Variants in FAM98B observed in about 807,000 individuals in gnomAD.
FAM98B encodes the protein tRNA-splicing ligase complex subunit FAM98B.
A neutral mutation model predicts 43.9 loss-of-function variants in FAM98B; 32 were observed. That is an observed-to-expected ratio of 0.73 (90% CI 0.55 to 0.98). The LOEUF is 0.98. Among genes scored for constraint, FAM98B ranks in the 50% least tolerant of loss-of-function variants. The probability of loss-of-function intolerance (pLI) is 0.00; values close to 1 mark genes in which losing one functional copy is unlikely to be tolerated. For synonymous variants in FAM98B, 190 were observed against 174.0 expected (o/e 1.09, Z -0.72); for missense variants, 514 against 522.9 (o/e 0.98, Z 0.17).
At chr15:38,465,801 G>C (rs1890022336) in intron 3 of FAM98B, among the ~76,000 whole-genome samples, 1 of 151,964 alleles carries the variant, frequency 6.6e-6, no homozygotes, top group Non-Finnish European at 1.5e-5. Flanking sequence ...ACCAAGAACT[G>C]CTCTGGATAC....
At chr15:38,456,680 G>A (rs189521180) in intron 1 of FAM98B, among the ~76,000 whole-genome samples, 12 of 152,344 alleles carry the variant, frequency 7.9e-5, no homozygotes, top group African/African-American at 2.6e-4. Context: ...GATTCCTGAG[G>A]AAGTGACATT....
In FAM98B at chr15:38,486,375, A is replaced by G. The variant is rs1469388147; in HGVS notation, c.*1716A>G. On this transcript the variant is annotated 3_prime_UTR_variant, in exon 8 of 8. Coordinates refer to ENST00000397609, the MANE Select transcript of FAM98B (RefSeq NM_173611.4). ...TTAAGAAAAAAACTACTTGAGTAAAATATTTCAAGAGTTGTTTAAAAATCT... is the reference window on the plus strand; with the variant it reads ...TTAAGAAAAAAACTACTTGAGTAAAGTATTTCAAGAGTTGTTTAAAAATCT... The G allele has an allele frequency of 1.3e-5, 2 of 152,188 alleles. No individual in the cohort carries two copies. The highest frequency in any genetic ancestry group is 2.9e-5 in the Non-Finnish European group (2 of 68,006). 9.4% of individuals were successfully genotyped at this position (152,188 alleles called of 1,614,324 possible). A position where few individuals can be genotyped will look rare whatever the true frequency, so the allele number is the denominator to read the frequency against.
chr15:38,473,371 T>A, intron 4 of FAM98B, 134 bp from the exon 5 acceptor site: 2 of 598,648 alleles, frequency 3.3e-6, no homozygotes, highest in Non-Finnish European at 2.9e-6. Context: ...GGTATTCTGG[T>A]ATATGATGGT....
intron 2 of FAM98B, 120 bp from the exon 3 acceptor site, chr15:38,465,149 T>A (rs1359842389): frequency 1.1e-6 from 1 of 946,454 alleles, no homozygotes; most frequent in Non-Finnish European, 1.5e-6. Context: ...ATCACACATT[T>A]AAGGATTTAA....
At chr15:38,476,498 C>A (rs996099902) in intron 6 of FAM98B, among the ~76,000 whole-genome samples, 5 of 151,678 alleles carry the variant, frequency 3.3e-5, no homozygotes, top group Non-Finnish European at 7.4e-5. Flanking sequence ...TAGATAGACT[C>A]GCTTAAGTTG....
rs1207408873 is a variant in FAM98B at position 38,484,278 on chromosome 15, CAG to C, written c.922_923del (p.Arg308GlyfsTer6). ...AGGTGCTGATGGGAAGGGTGCCTGACAGGGGAGGCCGGCCGAATGAAATTGAA... is the reference window on the plus strand; with the variant it reads ...AGGTGCTGATGGGAAGGGTGCCTGACGGGAGGCCGGCCGAATGAAATTGAA... ...NKVLMGRVPDRGGRPNEIEPP... is the reference protein window; with the variant it reads ...NKVLMGRVPDXGGRPNEIEPP... On this transcript the variant is annotated frameshift_variant, in exon 8 of 8. Transcript: ENST00000397609. LOFTEE classifies it low-confidence loss of function (END_TRUNC). The C allele has an allele frequency of 1.3e-6, 2 of 1,550,118 alleles. No individual in the cohort carries two copies. The highest frequency in any genetic ancestry group is 2.4e-5 in the East Asian group (1 of 40,934).
chr15:38,457,543 T>C (rs967292882), intron 1 of FAM98B, among the ~76,000 whole-genome samples: 1 of 152,050 alleles, frequency 6.6e-6, no homozygotes. Context: ...GGGAGCCACA[T>C]GTTTGGATAA....
intron 7 of FAM98B, chr15:38,481,870 C>A: frequency 3.4e-6 from 1 of 297,674 alleles, no homozygotes; most frequent in Non-Finnish European, 6.3e-6. Flanking sequence ...CTGGCTCTGT[C>A]ATTTACTTAC....
chr15:38,454,366 G>A (rs1889814424), intron 1 of FAM98B, 134 bp downstream of exon 1: 7 of 871,672 alleles, frequency 8.0e-6, no homozygotes, highest in Non-Finnish European at 1.3e-5. Flanking sequence ...CGATCCCTCC[G>A]GCGCCGACGG....
intron 3 of FAM98B, among the ~76,000 whole-genome samples, chr15:38,468,119 C>G (rs1163756873): frequency 6.6e-6 from 1 of 152,178 alleles, no homozygotes; most frequent in Admixed American, 6.5e-5. Flanking sequence ...ATGCTAAACC[C>G]TTGTTTGTAC....
At chr15:38,473,681 C>A in intron 5 of FAM98B, 96 bp downstream of exon 5, 1 of 852,094 alleles carries the variant, frequency 1.2e-6, no homozygotes, top group Non-Finnish European at 1.8e-6. Context: ...ATGTAGCATG[C>A]ATATATTATT....
chr15:38,484,789 A>C lies in FAM98B; in HGVS notation c.*130A>C. 1 of 1,349,850 alleles carries C rather than the reference A, an allele frequency of 7.4e-7. No homozygotes were observed. Among genetic ancestry groups the C allele is most frequent in the Non-Finnish European group, 9.7e-7 (1 of 1,035,838 alleles). The allele number at this position is 1,349,850 out of a possible 1,614,324, so 83.6% of individuals were successfully genotyped here. ...AGACTCCCTGGTGATACCACTCTTG[A>C]ATTGGTTAATATGTAAGAACATTGT... is the stretch of plus-strand genomic sequence containing the variant. On this transcript the variant is annotated 3_prime_UTR_variant, in exon 8 of 8. Coordinates refer to ENST00000397609, the MANE Select transcript of FAM98B (RefSeq NM_173611.4).
At chr15:38,480,586 T>G (rs1337260603) in intron 6 of FAM98B, among the ~76,000 whole-genome samples, 2 of 151,904 alleles carry the variant, frequency 1.3e-5, no homozygotes, top group Admixed American at 1.3e-4. Flanking sequence ...CTCATTTTTT[T>G]TTTCCATCTG....
In FAM98B at chr15:38,481,641, G is replaced by T. The variant is rs1031858437; in HGVS notation, c.897+182G>T. 4.0e-6 allele frequency: 6 copies of T among 1,502,096 alleles called. No individual in the cohort carries two copies. The African/African-American group carries it at 4.2e-5, about 10-fold the overall frequency. 93.0% of individuals were successfully genotyped at this position (1,502,096 alleles called of 1,614,324 possible). On this transcript the variant is annotated intron_variant, in intron 7 of 7. Transcript: ENST00000397609. ...TATGTGTGTATGTTCACTTGAATTT[G>T]TGTATTCATAAATCAAAGTATTTTC...
intron 4 of FAM98B, among the ~76,000 whole-genome samples, chr15:38,471,891 C>A (rs1337856953): frequency 6.6e-6 from 1 of 152,108 alleles, no homozygotes; most frequent in Non-Finnish European, 1.5e-5. Flanking sequence ...TCACTTAATT[C>A]TCACATCACC....
intron 6 of FAM98B, among the ~76,000 whole-genome samples, chr15:38,475,951 C>T (rs987237304): frequency 2.6e-5 from 4 of 152,110 alleles, no homozygotes; most frequent in Non-Finnish European, 5.9e-5. Flanking sequence ...CAGAAACTTG[C>T]ATCCACTTAC....
intron 3 of FAM98B, among the ~76,000 whole-genome samples, chr15:38,467,544 G>C (rs1477329807): frequency 6.6e-6 from 1 of 152,114 alleles, no homozygotes; most frequent in African/African-American, 2.4e-5. Context: ...ACAGACATTA[G>C]ACTGTGGTGG....
intron 6 of FAM98B, among the ~76,000 whole-genome samples, chr15:38,480,624 T>G (rs983923898): frequency 1.2e-4 from 18 of 152,032 alleles, no homozygotes; most frequent in African/African-American, 4.3e-4. Context: ...AACCAACCAC[T>G]CTAAAAGGAT....
chr15:38,462,694 T>C (rs12385987), intron 1 of FAM98B, among the ~76,000 whole-genome samples: 48,837 of 152,028 alleles, frequency 0.32, 8,263 homozygotes, highest in East Asian at 0.53. Flanking sequence ...TAAATAAAAA[T>C]GTAAAACAAA....
Sources: gnomAD v4.1 joint callset for allele counts (sites outside exome capture counted in the v4.1 genomes callset) on GRCh38, gnomAD v4.1.1 for gene constraint, MANE v1.5 for transcripts, NCBI Gene and HGNC (gene_info 2026-07-23, HGNC 2026-07-21) for gene names.